Variants in KCNJ6 observed in about 807,000 individuals in gnomAD.
KCNJ6 encodes the protein G protein-activated inward rectifier potassium channel 2.
KCNJ6 carries 9 observed loss-of-function variants against 34.2 expected under a neutral mutation model. The observed-to-expected ratio is 0.26, with a 90% CI of 0.16 to 0.46. The LOEUF is 0.46. Among genes scored for constraint, KCNJ6 ranks in the 20% least tolerant of loss-of-function variants. The pLI, the probability that KCNJ6 is intolerant of heterozygous loss-of-function variation, is 1.00. For missense variants in KCNJ6, 236 were observed against 531.3 expected (o/e 0.44, Z 5.46); for synonymous variants, 196 against 207.1 (o/e 0.95, Z 0.46).
At chr21:37,820,208 A>G (rs960145023) in intron 2 of KCNJ6, among the ~76,000 whole-genome samples, 7 of 152,226 alleles carry the variant, frequency 4.6e-5, no homozygotes, top group African/African-American at 1.7e-4. Context: ...TTTTCTTCCT[A>G]TATAAGCAAG....
intron 2 of KCNJ6, among the ~76,000 whole-genome samples, chr21:37,768,310 G>A (rs1036200271): frequency 3.3e-5 from 5 of 152,146 alleles, no homozygotes; most frequent in African/African-American, 1.2e-4. Flanking sequence ...TGGAGGGAAG[G>A]TGCTGTTCTA....
intron 1 of KCNJ6, among the ~76,000 whole-genome samples, chr21:37,858,425 C>T (rs1185679204): frequency 4.4e-5 from 6 of 137,022 alleles, no homozygotes; most frequent in Non-Finnish European, 7.8e-5. Context: ...AAAGAAAGTT[C>T]AGATTAAGCT....
chr21:37,696,306 C>T (rs138289153), intron 3 of KCNJ6, among the ~76,000 whole-genome samples: 418 of 152,294 alleles, frequency 2.7e-3, no homozygotes, highest in African/African-American at 9.6e-3. Flanking sequence ...GCAGACACCA[C>T]CTGAGCCAGA....
intron 1 of KCNJ6, among the ~76,000 whole-genome samples, chr21:37,894,877 T>C (rs1465282077): frequency 1.3e-5 from 2 of 152,222 alleles, no homozygotes; most frequent in Non-Finnish European, 1.5e-5. Context: ...TCACCAGTTT[T>C]TTTTTAAAGA....
chr21:37,699,094 T>C (rs1034003738), intron 3 of KCNJ6, among the ~76,000 whole-genome samples: 3 of 152,274 alleles, frequency 2.0e-5, no homozygotes, highest in South Asian at 2.1e-4. Context: ...ACACAATTTA[T>C]GGCAGAGTTG....
At position 37,617,271 on chromosome 21, in the gene KCNJ6, T is replaced by A. The variant is rs1215358774; in HGVS notation, c.*7888A>T. On this transcript the variant is annotated 3_prime_UTR_variant, in exon 4 of 4. Transcript: ENST00000609713. ...TCTCGCTCCGTGGCCCAGGCTGGAG[T>A]GCAGTGGCATGATCTCAGCTTACTG... The A allele has an allele frequency of 6.6e-6, 1 of 150,688 alleles. No individual in the cohort carries two copies. Among genetic ancestry groups the A allele is most frequent in the African/African-American group, 2.5e-5 (1 of 40,788 alleles). The allele number at this position is 150,688 out of a possible 1,614,324, so 9.3% of individuals were successfully genotyped here. A position where few individuals can be genotyped will look rare whatever the true frequency, so the allele number is the denominator to read the frequency against.
At chr21:37,716,412 C>T (rs1171700800) in intron 2 of KCNJ6, among the ~76,000 whole-genome samples, 3 of 148,492 alleles carry the variant, frequency 2.0e-5, no homozygotes, top group Non-Finnish European at 4.4e-5. Context: ...TAGGGTCTCG[C>T]TCTGCCACCC....
intron 3 of KCNJ6, among the ~76,000 whole-genome samples, chr21:37,678,670 G>A (rs2054577858): frequency 6.6e-6 from 1 of 152,110 alleles, no homozygotes; most frequent in East Asian, 1.9e-4. Context: ...GTGGACAGAT[G>A]GATGAATGGA....
At chr21:37,636,852 T>C (rs757627907) in intron 3 of KCNJ6, among the ~76,000 whole-genome samples, 1 of 152,190 alleles carries the variant, frequency 6.6e-6, no homozygotes, top group Non-Finnish European at 1.5e-5. Context: ...GCCAGAGGTA[T>C]AGTCAATACA....
intron 1 of KCNJ6, among the ~76,000 whole-genome samples, chr21:37,859,737 T>C (rs4817898): frequency 0.47 from 71,183 of 150,788 alleles, 17,510 homozygotes; most frequent in East Asian, 0.61. Context: ...CTGAAATTTC[T>C]TGATTTCAGA....
intron 2 of KCNJ6, among the ~76,000 whole-genome samples, chr21:37,840,057 C>T (rs1361961855): frequency 6.6e-6 from 1 of 152,210 alleles, no homozygotes; most frequent in Non-Finnish European, 1.5e-5. Context: ...CCTCAGCCTC[C>T]CAAAGTGCTG....
At chr21:37,747,953 G>A (rs904339007) in intron 2 of KCNJ6, among the ~76,000 whole-genome samples, 6 of 152,204 alleles carry the variant, frequency 3.9e-5, no homozygotes, top group Non-Finnish European at 7.3e-5. Context: ...GGGGTGCCTG[G>A]AGACTGAGTC....
intron 2 of KCNJ6, among the ~76,000 whole-genome samples, chr21:37,743,835 C>G (rs184368084): frequency 6.6e-6 from 1 of 151,940 alleles, no homozygotes; most frequent in African/African-American, 2.4e-5. Flanking sequence ...CCACTTACAC[C>G]ATTAAAAAAA....
chr21:37,708,571 TC>T (rs10709351), intron 3 of KCNJ6, among the ~76,000 whole-genome samples: 152,314 of 152,314 alleles, frequency 1, 76,157 homozygotes, highest in Non-Finnish European at 1. Flanking sequence ...AAAAACATAT[TC>T]CATATGTCTT....
intron 3 of KCNJ6, among the ~76,000 whole-genome samples, chr21:37,642,387 C>G (rs570982706): frequency 3.2e-4 from 48 of 152,074 alleles, no homozygotes; most frequent in Admixed American, 2.4e-3. Context: ...GCGGCAGAAG[C>G]CACGTGAGGA....
Position 37,714,890 on chromosome 21 carries a change from C to T in KCNJ6, c.267G>A (p.Trp89Ter), listed in dbSNP as rs752318891. 1 of 1,614,240 alleles carries T rather than the reference C, an allele frequency of 6.2e-7. No homozygotes were observed. The highest frequency in any genetic ancestry group is 1.1e-5 in the South Asian group (1 of 91,090). ...TGACAAAAATCAATAGGTTGAATCT[C>T]CACTTCAGGTCCACTAATGTGGTGA... is the stretch of plus-strand genomic sequence containing the variant. ...DIFTTLVDLK[W>*]RFNLLIFVMV... is the part of the protein sequence containing the mutation. Residue 89 changes from tryptophan (W) to a stop codon, truncating the protein, a stop_gained, in exon 3 of 4, where the codon TGG becomes TGA. Transcript: ENST00000609713. LOFTEE classifies it high-confidence loss of function. This position sits in a 1 kb window ranked among gnomAD's most constrained non-coding sequence, Gnocchi z 5.9.
At chr21:37,911,577 C>G (rs971086408) in intron 1 of KCNJ6, among the ~76,000 whole-genome samples, 6 of 152,194 alleles carry the variant, frequency 3.9e-5, no homozygotes, top group Non-Finnish European at 8.8e-5. Context: ...AAACCAACCT[C>G]ACTTTGAAAA....
intron 3 of KCNJ6, among the ~76,000 whole-genome samples, chr21:37,670,906 T>C (rs2054538304): frequency 1.5e-4 from 1 of 6,888 alleles, no homozygotes; most frequent in Admixed American, 5.0e-3. Flanking sequence ...TTCACTTCCT[T>C]GGTTTGAACT....
intron 3 of KCNJ6, among the ~76,000 whole-genome samples, chr21:37,668,880 T>C (rs964535410): frequency 6.6e-6 from 1 of 152,234 alleles, no homozygotes; most frequent in African/African-American, 2.4e-5. Context: ...TGCTATACTT[T>C]GAAATGGTGC....
Sources: allele counts gnomAD v4.1 joint callset (sites outside exome capture counted in the v4.1 genomes callset), GRCh38; gene constraint gnomAD v4.1.1; non-coding constraint Gnocchi (gnomAD v3.1); transcripts MANE v1.5; gene names NCBI Gene and HGNC (gene_info 2026-07-23, HGNC 2026-07-21).